Variants in RCBTB2 observed in about 807,000 individuals in gnomAD.
RCBTB2 encodes the protein RCC1 and BTB domain containing protein 2.
A neutral mutation model predicts 65.4 loss-of-function variants in RCBTB2; 55 were observed. The observed-to-expected ratio is 0.84, with a 90% CI of 0.68 to 1.05. The LOEUF is 1.05. Ranked by LOEUF, RCBTB2 falls within the 50% of genes least tolerant of loss-of-function variation. The pLI is 0.00. For synonymous variants in RCBTB2, 220 were observed against 255.2 expected (o/e 0.86, Z 1.31); for missense variants, 599 against 680.1 (o/e 0.88, Z 1.33).
Position 48,504,219 on chromosome 13 carries a change from AACTCAC to A in RCBTB2, c.927-1311_927-1306del, listed in dbSNP as rs1280104369. 25 of 985,268 alleles carry A rather than the reference AACTCAC, an allele frequency of 2.5e-5. No individual in the cohort carries two copies. The Admixed American group carries it at 3.7e-4, about 15-fold the overall frequency. The allele number at this position is 985,268 out of a possible 1,614,324, so 61.0% of individuals were successfully genotyped here. A position where few individuals can be genotyped will look rare whatever the true frequency, so the allele number is the denominator to read the frequency against. Reference sequence around the variant, plus strand: ...TGCCTTAGACTCTCTCTTCTGCCCCAACTCACACAGTGCTGGCAGGTTAATCATCCT... The same window carrying A: ...TGCCTTAGACTCTCTCTTCTGCCCCAACAGTGCTGGCAGGTTAATCATCCT... On this transcript the variant is annotated intron_variant, in intron 10 of 14. Transcript: ENST00000344532.
At position 48,511,786 on chromosome 13, in the gene RCBTB2, C is replaced by A. The variant is rs750559630; in HGVS notation, c.767G>T (p.Gly256Val). ...PTPCRVAALQ[G>V]IRVQRVACGY... ...TGGACGTACCCTCTGGACACGGATG[C>A]CTTGCAAAGCTGCCACTCTGCAAGG... Residue 256 changes from glycine (G) to valine (V), a missense_variant, in exon 9 of 15, where the codon GGC becomes GTC. By Grantham distance (109) the Gly-to-Val change is moderately radical. Transcript: ENST00000344532. 11 of 1,613,920 alleles carry A rather than the reference C, an allele frequency of 6.8e-6. No individual in the cohort carries two copies. The Admixed American group carries it at 1.8e-4, about 27-fold the overall frequency.
At chr13:48,508,433 G>T (rs1950611983) in intron 10 of RCBTB2, among the ~76,000 whole-genome samples, 1 of 146,894 alleles carries the variant, frequency 6.8e-6, no homozygotes. Flanking sequence ...TTTTGAGACA[G>T]AGTCTCACTC....
At chr13:48,527,304 G>GAACAATATATATAT (rs1951796532) in intron 1 of RCBTB2, among the ~76,000 whole-genome samples, 2 of 83,856 alleles carry the variant, frequency 2.4e-5, no homozygotes, top group African/African-American at 1.2e-4. Context: ...TTTGTTTTGG[G>GAACAATATATATAT]ATATATGACT....
Position 48,522,359 on chromosome 13 carries a change from G to A in RCBTB2, c.-75C>T, listed in dbSNP as rs143973519. 54 of 1,523,820 alleles carry A rather than the reference G, an allele frequency of 3.5e-5. No homozygotes were observed. The East Asian group carries it at 3.9e-4, about 11-fold the overall frequency. 94.4% of individuals were successfully genotyped at this position (1,523,820 alleles called of 1,614,324 possible). ...AAAGTTCCAAATCACGGGGAAGAGC[G>A]GACATCAATTCTCAGCTCCACAGAA... On this transcript the variant is annotated 5_prime_UTR_variant, in exon 3 of 15. Transcript: ENST00000344532.
chr13:48,511,581 C>T (rs1950796387), intron 9 of RCBTB2, among the ~76,000 whole-genome samples, 189 bp downstream of exon 9: 1 of 152,070 alleles, frequency 6.6e-6, no homozygotes, highest in South Asian at 2.1e-4. Flanking sequence ...TGTGACAGTG[C>T]CCTGGAAGAG....
intron 12 of RCBTB2, among the ~76,000 whole-genome samples, chr13:48,500,033 T>G (rs1172110179): frequency 6.6e-6 from 1 of 152,254 alleles, no homozygotes; most frequent in Non-Finnish European, 1.5e-5. Flanking sequence ...CCACAACCAC[T>G]GTCAGCATTT....
At position 48,489,349 on chromosome 13, in the gene RCBTB2, T is replaced by G. The variant is rs1207214879; in HGVS notation, c.*762A>C. The G allele has an allele frequency of 1.3e-5, 2 of 152,230 alleles. No homozygotes were observed. Among genetic ancestry groups the G allele is most frequent in the African/African-American group, 2.4e-5 (1 of 41,462 alleles). The allele number at this position is 152,230 out of a possible 1,614,324, so 9.4% of individuals were successfully genotyped here. ...TTAACACAAAGAAAAGCAAAGGACC[T>G]TATGTGATTATGTAAGGCAGATCAG... On this transcript the variant is annotated 3_prime_UTR_variant, in exon 15 of 15. Coordinates refer to ENST00000344532, the MANE Select transcript of RCBTB2 (RefSeq NM_001268.4).
intron 14 of RCBTB2, among the ~76,000 whole-genome samples, chr13:48,490,724 T>C (rs1949663688): frequency 1.3e-5 from 2 of 152,216 alleles, no homozygotes. Flanking sequence ...ATTGCTGCTC[T>C]GAAGTCATTA....
At chr13:48,519,915 C>G (rs1204082963) in intron 4 of RCBTB2, among the ~76,000 whole-genome samples, 1 of 152,046 alleles carries the variant, frequency 6.6e-6, no homozygotes, top group Non-Finnish European at 1.5e-5. Context: ...ATCCCTAATT[C>G]AAAAATCTGA....
intron 7 of RCBTB2, among the ~76,000 whole-genome samples, 183 bp from the exon 8 acceptor site, chr13:48,512,357 C>T (rs1331718475): frequency 6.6e-6 from 1 of 152,138 alleles, no homozygotes; most frequent in Non-Finnish European, 1.5e-5. Flanking sequence ...TGATTTTATA[C>T]AATTAGGTTA....
In RCBTB2 at chr13:48,527,361, T is replaced by TATATGATATA; in HGVS notation, c.-218-2605_-218-2604insTATATCATAT. ...TGATATATATATATATGATATATAT[T>TATATGATATA]TATATATGATATATATATATGATAT... is the stretch of plus-strand genomic sequence containing the variant. On this transcript the variant is annotated intron_variant, in intron 1 of 14. Coordinates refer to ENST00000344532, the MANE Select transcript of RCBTB2 (RefSeq NM_001268.4). Among the ~76,000 whole-genome samples, 505 of 112,344 alleles carry TATATGATATA rather than the reference T, an allele frequency of 4.5e-3. 25 individuals are homozygous for TATATGATATA. The highest frequency in any genetic ancestry group is 0.027 in the African/African-American group (482 of 18,018). 73.7% of individuals were successfully genotyped at this position (112,344 alleles called of 152,430 possible). A position where few individuals can be genotyped will look rare whatever the true frequency, so the allele number is the denominator to read the frequency against.
Position 48,512,082 on chromosome 13 carries a change from T to C in RCBTB2, c.609A>G (p.Gln203=), listed in dbSNP as rs751906706. 2.3e-5 allele frequency: 37 copies of C among 1,614,140 alleles called. No individual in the cohort carries two copies. The highest frequency in any genetic ancestry group is 3.0e-5 in the Non-Finnish European group (35 of 1,180,044). ...PIPRRVTGCL[Q]NKVVVTIACG... ...ATGCTATGGTCACAACTACTTTATT[T>C]TGTAGGCAGCCAGTGACTCTTCGAG... is the stretch of plus-strand genomic sequence containing the variant. The change falls in exon 8 of 15, where the codon CAA becomes CAG. Residue 203 remains glutamine (Q), a synonymous_variant. Coordinates refer to ENST00000344532, the MANE Select transcript of RCBTB2 (RefSeq NM_001268.4).
chr13:48,526,408 C>T (rs985054045), intron 1 of RCBTB2, among the ~76,000 whole-genome samples: 7 of 152,016 alleles, frequency 4.6e-5, no homozygotes, highest in African/African-American at 1.2e-4. Flanking sequence ...TGGTAGTACA[C>T]GCCTGTAGTC....
intron 14 of RCBTB2, among the ~76,000 whole-genome samples, chr13:48,492,928 T>TA (rs1169704380): frequency 1.3e-5 from 2 of 152,290 alleles, no homozygotes; most frequent in Non-Finnish European, 2.9e-5. Context: ...TTTGGATGTC[T>TA]AATAGACATC....
intron 10 of RCBTB2, chr13:48,504,533 C>T (rs1484314884): frequency 1.3e-5 from 2 of 159,906 alleles, no homozygotes; most frequent in African/African-American, 2.4e-5. Flanking sequence ...GTCTCCCGCT[C>T]ACCTGAGCTC....
At chr13:48,523,266 T>C (rs1290250064) in intron 2 of RCBTB2, among the ~76,000 whole-genome samples, 1 of 152,250 alleles carries the variant, frequency 6.6e-6, no homozygotes, top group Non-Finnish European at 1.5e-5. Flanking sequence ...GAGATTTACA[T>C]CAATGTGGAT....
At chr13:48,531,038 C>T (rs1952087802) in intron 1 of RCBTB2, among the ~76,000 whole-genome samples, 1 of 152,194 alleles carries the variant, frequency 6.6e-6, no homozygotes, top group African/African-American at 2.4e-5. Flanking sequence ...GCAACCCACA[C>T]CTGCACTCCC....
chr13:48,533,465 TCTC>T (rs1566353879), upstream of RCBTB2, among the ~76,000 whole-genome samples: 1 of 152,172 alleles, frequency 6.6e-6, no homozygotes, highest in Non-Finnish European at 1.5e-5. Flanking sequence ...CCACAGCCCC[TCTC>T]CTCCAGCCTG....
intron 1 of RCBTB2, among the ~76,000 whole-genome samples, chr13:48,528,049 A>G (rs1284203548): frequency 6.6e-6 from 1 of 152,238 alleles, no homozygotes; most frequent in Admixed American, 6.5e-5. Context: ...TGATTATGGG[A>G]CATAGGTTCA....
Sources: gnomAD v4.1 joint callset for allele counts (sites outside exome capture counted in the v4.1 genomes callset) on GRCh38, gnomAD v4.1.1 for gene constraint, MANE v1.5 for transcripts, NCBI Gene and HGNC (gene_info 2026-07-23, HGNC 2026-07-21) for gene names.